Variants in NAV3 observed in about 807,000 individuals in gnomAD.
NAV3 encodes neuron navigator 3, also known as pore membrane and/or filament interacting like protein 1.
Under a neutral mutation model 244.7 loss-of-function variants are expected in NAV3, and 87 were observed. That is an observed-to-expected ratio of 0.36 (90% confidence interval 0.30 to 0.42). The LOEUF is 0.42. Among genes scored for constraint, NAV3 ranks in the 20% least tolerant of loss-of-function variants. NAV3 has a pLI of 1.00. For synonymous variants in NAV3, 1,126 were observed against 1,042.2 expected, an observed-to-expected ratio of 1.08 and a Z score of -1.55; for missense variants, 2,663 against 2,893.3, an observed-to-expected ratio of 0.92 and a Z score of 1.83.
chr12:77,773,787 A>G (rs1870217493), intron 2 of NAV3, among the ~76,000 whole-genome samples: 2 of 152,132 alleles, frequency 1.3e-5, no homozygotes, highest in Non-Finnish European at 1.5e-5. Flanking sequence ...GTTTTGATGT[A>G]TTCATCCACT....
At position 78,116,814 on chromosome 12, in the gene NAV3, C is replaced by A. The variant is rs2138516601; in HGVS notation, c.2679C>A (p.Thr893=). The A allele has an allele frequency of 6.2e-7, 1 of 1,609,530 alleles. No individual in the cohort carries two copies. Among genetic ancestry groups the A allele is most frequent in the Non-Finnish European group, 8.5e-7 (1 of 1,177,110 alleles). Residue 893 remains threonine (T), a synonymous_variant, in exon 13 of 40, where the codon ACC becomes ACA. Transcript: ENST00000397909. ...SSSVSSGLSD[T]LDNISTDDLN... ...CAGTGAGCAGTGGTCTCAGTGACAC[C>A]CTTGATAACATCAGCACTGATGACC...
chr12:77,953,184 A>T (rs1231226844), intron 3 of NAV3, among the ~76,000 whole-genome samples: 4 of 152,168 alleles, frequency 2.6e-5, no homozygotes, highest in Non-Finnish European at 5.9e-5. Flanking sequence ...ATTATCAAGT[A>T]AATTAAAGAA....
chr12:77,699,618 T>C, intron 2 of NAV3, among the ~76,000 whole-genome samples: 1 of 151,944 alleles, frequency 6.6e-6, no homozygotes, highest in East Asian at 1.9e-4. Flanking sequence ...ACAGGTCTGG[T>C]ATGACTTTCA....
intron 24 of NAV3, among the ~76,000 whole-genome samples, chr12:78,169,311 G>C (rs1388575893): frequency 6.6e-6 from 1 of 151,638 alleles, no homozygotes; most frequent in African/African-American, 2.4e-5. Context: ...AACTTTTCCT[G>C]GATGGAGGCT....
At chr12:78,035,925 T>G (rs1879793844) in intron 9 of NAV3, among the ~76,000 whole-genome samples, 1 of 152,148 alleles carries the variant, frequency 6.6e-6, no homozygotes, top group Admixed American at 6.5e-5. Flanking sequence ...GATTTGTGCT[T>G]TTACAGCACA....
chr12:78,110,336 A>C (rs1955024356), intron 12 of NAV3, among the ~76,000 whole-genome samples: 1 of 152,130 alleles, frequency 6.6e-6, no homozygotes, highest in African/African-American at 2.4e-5. Context: ...CAAAAGAATT[A>C]ATATCATTAA....
At chr12:77,947,585 T>C (rs1357606431) in intron 3 of NAV3, 1 of 151,906 alleles carries the variant, frequency 6.6e-6, no homozygotes, top group Non-Finnish European at 1.5e-5. Context: ...AGTCACATGA[T>C]CCCTTGACTT....
At chr12:77,881,893 T>A (rs1882698164) in intron 1 of NAV3, among the ~76,000 whole-genome samples, 1 of 151,960 alleles carries the variant, frequency 6.6e-6, no homozygotes, top group Non-Finnish European at 1.5e-5. Flanking sequence ...TCTACAAGGA[T>A]AACTACAAAA....
intron 9 of NAV3, among the ~76,000 whole-genome samples, chr12:78,031,284 T>G (rs530081257): frequency 6.6e-6 from 1 of 152,274 alleles, no homozygotes; most frequent in Non-Finnish European, 1.5e-5. Context: ...ACTGGTGTCG[T>G]TTTGTGTGTC....
chr12:77,986,557 A>T (rs1266910410), intron 5 of NAV3, among the ~76,000 whole-genome samples: 1 of 152,158 alleles, frequency 6.6e-6, no homozygotes, highest in Non-Finnish European at 1.5e-5. Context: ...TTGGTGATTT[A>T]TAGAATTCTG....
intron 12 of NAV3, among the ~76,000 whole-genome samples, chr12:78,109,987 GA>G (rs1387666581): frequency 6.6e-6 from 1 of 151,946 alleles, no homozygotes; most frequent in African/African-American, 2.4e-5. Context: ...TCTAAATTGG[GA>G]AGAGCAAGTA....
chr12:77,886,548 G>C (rs909251816), intron 1 of NAV3, among the ~76,000 whole-genome samples: 1 of 152,028 alleles, frequency 6.6e-6, no homozygotes, highest in Non-Finnish European at 1.5e-5. Flanking sequence ...TAAGCATTTT[G>C]TTGTTTCCAC....
intron 1 of NAV3, among the ~76,000 whole-genome samples, chr12:77,910,621 C>T (rs1327446128): frequency 1.3e-5 from 2 of 152,102 alleles, no homozygotes; most frequent in African/African-American, 4.8e-5. Flanking sequence ...TGTCTGACCA[C>T]CAGAAGCATT....
chr12:78,154,821 A>G (rs432057), intron 22 of NAV3, among the ~76,000 whole-genome samples: 54,083 of 151,812 alleles, frequency 0.36, 9,977 homozygotes, highest in East Asian at 0.48. Flanking sequence ...GTGATACCCT[A>G]TAAGTTTAAT....
At chr12:78,006,040 G>T (rs910718915) in intron 7 of NAV3, among the ~76,000 whole-genome samples, 1 of 152,146 alleles carries the variant, frequency 6.6e-6, no homozygotes, top group Non-Finnish European at 1.5e-5. Context: ...ATAGGGCAAG[G>T]TGGAATATCC....
At chr12:77,751,729 T>G (rs2135801813) in intron 2 of NAV3, among the ~76,000 whole-genome samples, 1 of 152,302 alleles carries the variant, frequency 6.6e-6, no homozygotes, top group East Asian at 1.9e-4. Context: ...ACATTGTTCC[T>G]TTATAATCTA....
chr12:78,160,972 C>T (rs996745656), intron 23 of NAV3, among the ~76,000 whole-genome samples: 2 of 151,704 alleles, frequency 1.3e-5, no homozygotes, highest in African/African-American at 4.8e-5. Context: ...CCTCTGTCTC[C>T]CTCTCTTTCT....
intron 2 of NAV3, among the ~76,000 whole-genome samples, chr12:77,736,738 G>A (rs556828070): frequency 2.0e-5 from 3 of 152,316 alleles, no homozygotes; most frequent in African/African-American, 7.2e-5. Context: ...AAGAAATTAA[G>A]TTCAAGCTAC....
chr12:78,076,451 C>T (rs1263165808), intron 12 of NAV3, among the ~76,000 whole-genome samples: 4 of 152,074 alleles, frequency 2.6e-5, no homozygotes, highest in African/African-American at 7.2e-5. Flanking sequence ...CTATGACATA[C>T]CCAAAGACAG....
Sources: gnomAD v4.1 joint callset for allele counts (sites outside exome capture counted in the v4.1 genomes callset) on GRCh38, gnomAD v4.1.1 for gene constraint, MANE v1.5 for transcripts, NCBI Gene and HGNC (gene_info 2026-07-23, HGNC 2026-07-21) for gene names.